Variants in DPPA2 observed in about 807,000 individuals in gnomAD.
DPPA2 encodes the protein developmental pluripotency associated 2.
DPPA2 carries 26 observed loss-of-function variants against 36.2 expected under a neutral mutation model. That is an observed-to-expected ratio of 0.72 (90% CI 0.53 to 1.00). The LOEUF is 1.00. Among genes scored for constraint, DPPA2 ranks in the 50% least tolerant of loss-of-function variants. The pLI is 0.00. For synonymous variants in DPPA2, 113 were observed against 123.2 expected, an observed-to-expected ratio of 0.92 and a Z score of 0.55; for missense variants, 361 against 365.1, an observed-to-expected ratio of 0.99 and a Z score of 0.09.
At chr3:109,315,242 A>G (rs1475449970) in intron 1 of DPPA2, among the ~76,000 whole-genome samples, 2 of 152,252 alleles carry the variant, frequency 1.3e-5, no homozygotes, top group Non-Finnish European at 2.9e-5. Context: ...AGAGCATTTT[A>G]CGCAGGTATT....
chr3:109,313,648 T>C (rs2107321786), intron 2 of DPPA2, among the ~76,000 whole-genome samples: 2 of 152,264 alleles, frequency 1.3e-5, no homozygotes, highest in South Asian at 4.1e-4. Context: ...CAGGCTTGAG[T>C]ATGGTTCTGA....
intron 3 of DPPA2, among the ~76,000 whole-genome samples, chr3:109,310,844 T>C (rs991173788): frequency 2.1e-5 from 3 of 144,854 alleles, no homozygotes; most frequent in Non-Finnish European, 4.6e-5. Flanking sequence ...CTCTGTCACC[T>C]AGGCTGGAGT....
At chr3:109,303,758 G>A (rs945501785) in intron 7 of DPPA2, among the ~76,000 whole-genome samples, 2 of 152,144 alleles carry the variant, frequency 1.3e-5, no homozygotes, top group Admixed American at 1.3e-4. Context: ...ACTCAAATGT[G>A]TGTTTTTTTC....
At chr3:109,315,050 C>CT (rs1707766891) in intron 1 of DPPA2, among the ~76,000 whole-genome samples, 1 of 151,904 alleles carries the variant, frequency 6.6e-6, no homozygotes, top group African/African-American at 2.4e-5. Context: ...TCGCGAGACT[C>CT]TGTCTCAACA....
intron 5 of DPPA2, 65 bp downstream of exon 5, chr3:109,308,961 C>T (rs769190767): frequency 2.3e-5 from 36 of 1,582,028 alleles, no homozygotes; most frequent in Admixed American, 1.7e-4. Context: ...TATGGTGCGA[C>T]GGTAGGGACC....
At chr3:109,312,873 G>A (rs1438410535) in intron 2 of DPPA2, among the ~76,000 whole-genome samples, 181 bp from the exon 3 acceptor site, 1 of 152,022 alleles carries the variant, frequency 6.6e-6, no homozygotes, top group Non-Finnish European at 1.5e-5. Flanking sequence ...AGGAAACATG[G>A]AAAAAAACGG....
In DPPA2 at chr3:109,312,551, T is replaced by G. The variant is rs748041079; in HGVS notation, c.175A>C (p.Asn59His). 2 of 1,612,892 alleles carry G rather than the reference T, an allele frequency of 1.2e-6. No individual in the cohort carries two copies. Among genetic ancestry groups the G allele is most frequent in the Non-Finnish European group, 1.7e-6 (2 of 1,179,266 alleles). ...DVKLEKPKKY[N>H]PGHLLQTNEQ... The stretch of plus-strand genomic sequence containing the variant: ...GCAATCCCTGTCCTCATACCTGGAT[T>G]GTATTTCTTAGGCTTCTCCAGTTTG... The change falls in exon 3 of 9, where the codon AAT becomes CAT. Residue 59 changes from asparagine (N) to histidine (H), a missense_variant. Physicochemically the swap from Asn to His is moderately conservative, Grantham distance 68. Transcript: ENST00000478945.
chr3:109,298,451 A>C (rs1324602018), intron 8 of DPPA2, among the ~76,000 whole-genome samples: 1 of 152,052 alleles, frequency 6.6e-6, no homozygotes, highest in Non-Finnish European at 1.5e-5. Flanking sequence ...ACGGTGGCTC[A>C]CGCCTGTAAT....
chr3:109,297,480 C>T (rs1373708413), intron 8 of DPPA2, among the ~76,000 whole-genome samples: 2 of 151,804 alleles, frequency 1.3e-5, no homozygotes, highest in Admixed American at 6.6e-5. Context: ...ACTGAGATCA[C>T]GCCACTGCAC....
intron 6 of DPPA2, among the ~76,000 whole-genome samples, chr3:109,307,577 T>C (rs1355768852): frequency 8.1e-6 from 1 of 123,332 alleles, no homozygotes; most frequent in African/African-American, 3.2e-5. Flanking sequence ...CACTCCAGCC[T>C]GGGCAACAAG....
intron 2 of DPPA2, 120 bp downstream of exon 2, chr3:109,314,390 A>C: frequency 9.6e-7 from 1 of 1,037,824 alleles, no homozygotes; most frequent in Non-Finnish European, 1.3e-6. Flanking sequence ...GGAGGTTTCA[A>C]GATGGAGATT....
At chr3:109,296,823 G>A (rs531090605) in intron 8 of DPPA2, among the ~76,000 whole-genome samples, 1 of 151,996 alleles carries the variant, frequency 6.6e-6, no homozygotes, top group African/African-American at 2.4e-5. Flanking sequence ...GTGCAAAAAG[G>A]CCAGGCAAAA....
rs1227920542 is a variant in DPPA2 at position 109,308,311 on chromosome 3, G to A, written c.397-18C>T. On this transcript the variant is annotated intron_variant, in intron 5 of 8. Transcript: ENST00000478945. Reference sequence around the variant, plus strand: ...GGCATATCCTGCAAATGAAATTCACGATGAGTATTCAGTAAACCGCTAGGG... The same window carrying A: ...GGCATATCCTGCAAATGAAATTCACAATGAGTATTCAGTAAACCGCTAGGG... The A allele has an allele frequency of 1.2e-6, 2 of 1,613,310 alleles. No homozygotes were observed. The highest frequency in any genetic ancestry group is 2.2e-5 in the East Asian group (1 of 44,860).
chr3:109,300,573 G>A, intron 7 of DPPA2, 138 bp from the exon 8 acceptor site: 3 of 801,828 alleles, frequency 3.7e-6, no homozygotes, highest in East Asian at 2.5e-5. Flanking sequence ...TGTAATCCTA[G>A]CACTGTGGGA....
chr3:109,312,735 C>A (rs756657270), intron 2 of DPPA2, 43 bp from the exon 3 acceptor site: 9 of 1,597,644 alleles, frequency 5.6e-6, no homozygotes, highest in Non-Finnish European at 7.7e-6. Context: ...TGATGCGGTA[C>A]AACTAAACTG....
At chr3:109,299,965 C>T (rs999070814) in intron 8 of DPPA2, among the ~76,000 whole-genome samples, 1 of 152,050 alleles carries the variant, frequency 6.6e-6, no homozygotes, top group Admixed American at 6.6e-5. Context: ...ATGCAAGTTA[C>T]TAACAGAGGA....
chr3:109,295,675 A>G (rs1356299926), intron 8 of DPPA2, among the ~76,000 whole-genome samples: 2 of 151,924 alleles, frequency 1.3e-5, no homozygotes, highest in African/African-American at 2.4e-5. Context: ...TATATACAGA[A>G]AGAGACAAAA....
At chr3:109,310,166 T>G (rs1707673939) in intron 3 of DPPA2, among the ~76,000 whole-genome samples, 1 of 145,212 alleles carries the variant, frequency 6.9e-6, no homozygotes, top group Non-Finnish European at 1.5e-5. Context: ...AGGCGGAGGT[T>G]GTGGTGAGCC....
intron 3 of DPPA2, among the ~76,000 whole-genome samples, chr3:109,312,178 A>G (rs1011206365): frequency 9.2e-5 from 14 of 152,280 alleles, no homozygotes; most frequent in African/African-American, 3.4e-4. Flanking sequence ...TACTAAAAAT[A>G]CAAAAATTAG....
Sources: gnomAD v4.1 joint callset for allele counts (sites outside exome capture counted in the v4.1 genomes callset) on GRCh38, gnomAD v4.1.1 for gene constraint, MANE v1.5 for transcripts, NCBI Gene and HGNC (gene_info 2026-07-23, HGNC 2026-07-21) for gene names.